Variants in NELFB observed in about 807,000 individuals in gnomAD.
The protein encoded by NELFB is negative elongation factor B.
NELFB carries 34 observed loss-of-function variants against 60.2 expected under a neutral mutation model. The observed-to-expected ratio is 0.56, with a 90% CI of 0.43 to 0.75. The LOEUF (loss-of-function observed/expected upper bound fraction) is 0.75. Ranked by LOEUF, NELFB falls within the 30% of genes least tolerant of loss-of-function variation. NELFB has a pLI of 0.00. For synonymous variants in NELFB, 459 were observed against 382.1 expected, an observed-to-expected ratio of 1.20 and a Z score of -2.35; for missense variants, 770 against 831.6, an observed-to-expected ratio of 0.93 and a Z score of 0.91.
chr9:137,256,719 A>C (rs1205167096), intron 3 of NELFB, 105 bp from the exon 4 acceptor site: 5 of 1,038,918 alleles, frequency 4.8e-6, no homozygotes, highest in Non-Finnish European at 7.1e-6. Flanking sequence ...TGTGGGGTGG[A>C]GCTTAGCTCG....
chr9:137,255,524 G>T lies in NELFB; in HGVS notation c.159G>T (p.Leu53=). 1.3e-6 allele frequency: 2 copies of T among 1,544,046 alleles called. No homozygotes were observed. The highest frequency in any genetic ancestry group is 1.7e-6 in the Non-Finnish European group (2 of 1,145,038). ...GGGCCTCGGCCATGTTCGCGGGGCT[G>T]CAGGACCTGGGCGTGGCCAACGGCG... The change falls in exon 1 of 13, where the codon CTG becomes CTT. Residue 53 remains leucine (L), a synonymous_variant. Coordinates refer to ENST00000343053, the MANE Select transcript of NELFB (RefSeq NM_015456.5).
At chr9:137,266,914 G>A (rs374591159) in intron 8 of NELFB, 30 bp from the exon 9 acceptor site, 51 of 1,609,656 alleles carry the variant, frequency 3.2e-5, no homozygotes, top group Middle Eastern at 2.0e-4. Flanking sequence ...GCCCGGGCCC[G>A]CGCCCGCTCA....
Position 137,266,366 on chromosome 9 carries a change from G to A in NELFB, c.1179G>A (p.Leu393=). 1 of 1,613,006 alleles carries A rather than the reference G, an allele frequency of 6.2e-7. No individual in the cohort carries two copies. Among genetic ancestry groups the A allele is most frequent in the Non-Finnish European group, 8.5e-7 (1 of 1,179,994 alleles). ...ACCTCCTGCTGCTGCTCCGGCTGCT[G>A]GCGCTGGGCCAGGGAGCCTGGGACA... The change falls in exon 8 of 13, where the codon CTG becomes CTA. Residue 393 remains leucine, a synonymous_variant. Transcript: ENST00000343053.
At chr9:137,266,199 G>T in intron 7 of NELFB, 132 bp from the exon 8 acceptor site, 1 of 821,456 alleles carries the variant, frequency 1.2e-6, no homozygotes, top group Non-Finnish European at 1.9e-6. Flanking sequence ...CCGTGTGTGG[G>T]GCTGGTGATC....
chr9:137,271,757 T>C (rs953408396), intron 10 of NELFB, among the ~76,000 whole-genome samples: 27 of 151,938 alleles, frequency 1.8e-4, no homozygotes, highest in African/African-American at 2.4e-4. Context: ...TCTGTCTCCT[T>C]CTTCCTCCAC....
intron 4 of NELFB, among the ~76,000 whole-genome samples, chr9:137,261,287 C>T (rs1830439764): frequency 6.8e-6 from 1 of 147,668 alleles, no homozygotes; most frequent in Admixed American, 6.9e-5. Context: ...TTGCAGTGAG[C>T]TGAGATCACG....
At chr9:137,264,399 G>T (rs1436262736) in intron 6 of NELFB, 42 bp downstream of exon 6, 3 of 1,427,794 alleles carry the variant, frequency 2.1e-6, no homozygotes, top group African/African-American at 1.4e-5. Context: ...TCAGGGCCCT[G>T]CGTGCATCCG....
At chr9:137,263,318 C>A in intron 5 of NELFB, 96 bp downstream of exon 5, 1 of 1,181,244 alleles carries the variant, frequency 8.5e-7, no homozygotes, top group East Asian at 2.6e-5. Flanking sequence ...CCCTCCTTCC[C>A]CCACTGCCCT....
At chr9:137,259,737 T>G (rs1830404006) in intron 4 of NELFB, among the ~76,000 whole-genome samples, 1 of 151,404 alleles carries the variant, frequency 6.6e-6, no homozygotes, top group Non-Finnish European at 1.5e-5. Context: ...TTTATTTATT[T>G]TTTTGGAGAC....
rs1212404686 is a variant in NELFB, at chr9:137,255,510, A to C, written c.145A>C (p.Met49Leu). ...CCGGGCGGTGGCCGGGGCCTCGGCC[A>C]TGTTCGCGGGGCTGCAGGACCTGGG... Residue 49 changes from methionine to leucine, a missense_variant, in exon 1 of 13, where the codon ATG (methionine) becomes CTG (leucine). Met to Leu is a conservative substitution (Grantham distance 15). Transcript: ENST00000343053. 8 of 1,534,496 alleles carry C rather than the reference A, an allele frequency of 5.2e-6. No individual in the cohort carries two copies. The Admixed American group carries it at 1.2e-4, about 23-fold the overall frequency.
intron 6 of NELFB, among the ~76,000 whole-genome samples, chr9:137,264,583 A>G (rs1165684891): frequency 1.3e-5 from 2 of 152,196 alleles, no homozygotes; most frequent in Admixed American, 1.3e-4. Flanking sequence ...CTCCTGCCTC[A>G]GCCTCCCAAG....
chr9:137,261,638 A>G (rs1301341997), intron 4 of NELFB, among the ~76,000 whole-genome samples: 1 of 137,494 alleles, frequency 7.3e-6, no homozygotes, highest in Non-Finnish European at 1.6e-5. Context: ...AGCCTGGGTG[A>G]CAGCGCAAGA....
At chr9:137,256,710 G>A (rs1837558210) in intron 3 of NELFB, 114 bp from the exon 4 acceptor site, 1 of 949,486 alleles carries the variant, frequency 1.1e-6, no homozygotes, top group Non-Finnish European at 1.6e-6. Context: ...TAGGTGCCCT[G>A]TGGGGTGGAG....
intron 10 of NELFB, among the ~76,000 whole-genome samples, chr9:137,268,333 C>T (rs1457677690): frequency 6.6e-6 from 1 of 152,186 alleles, no homozygotes; most frequent in Non-Finnish European, 1.5e-5. Context: ...GGCCTGTAAT[C>T]CCAGTGCTTT....
chr9:137,255,652 C>T (rs1273625283), intron 1 of NELFB, 41 bp downstream of exon 1: 7 of 1,516,470 alleles, frequency 4.6e-6, no homozygotes, highest in Non-Finnish European at 6.2e-6. Flanking sequence ...AGTTGGAGGG[C>T]CGGGCCGCCT....
chr9:137,266,901 A>AGGGCCC (rs762050713), intron 8 of NELFB, 43 bp from the exon 9 acceptor site: 8 of 1,529,608 alleles, frequency 5.2e-6, no homozygotes, highest in South Asian at 1.1e-5. Flanking sequence ...GGGGTGGGGC[A>AGGGCCC]GGGCCCGGGC....
At chr9:137,271,984 C>T in intron 10 of NELFB, 97 bp from the exon 11 acceptor site, 1 of 1,476,952 alleles carries the variant, frequency 6.8e-7, no homozygotes, top group Non-Finnish European at 9.3e-7. Context: ...CTCATGTGAG[C>T]ACCCCCAGAA....
At chr9:137,263,312 C>A in intron 5 of NELFB, 90 bp downstream of exon 5, 1 of 1,212,936 alleles carries the variant, frequency 8.2e-7, no homozygotes, top group Non-Finnish European at 1.1e-6. Context: ...GGCCCTCCCT[C>A]CTTCCCCCAC....
chr9:137,259,573 A>G (rs1830398608), intron 4 of NELFB, among the ~76,000 whole-genome samples: 1 of 152,148 alleles, frequency 6.6e-6, no homozygotes, highest in African/African-American at 2.4e-5. Context: ...GGTGCTGCCT[A>G]TACTGATTTC....
Sources: gnomAD v4.1 joint callset for allele counts (sites outside exome capture counted in the v4.1 genomes callset) on GRCh38, gnomAD v4.1.1 for gene constraint, MANE v1.5 for transcripts, NCBI Gene and HGNC (gene_info 2026-07-23, HGNC 2026-07-21) for gene names.